Variants in FRMPD4 observed in about 807,000 individuals in gnomAD.
FRMPD4 encodes FERM and PDZ domain containing 4, also known as FERM and PDZ domain-containing protein 4.
A neutral mutation model predicts 94.1 loss-of-function variants in FRMPD4; 22 were observed. The observed-to-expected ratio is 0.23, with a 90% CI of 0.17 to 0.33. The LOEUF (loss-of-function observed/expected upper bound fraction) is 0.33, where lower values mean the gene tolerates loss of function less well. FRMPD4 is among the 10% of genes least tolerant of loss of function. The pLI is 1.00. For missense variants in FRMPD4, 1,111 were observed against 1,339.9 expected (o/e 0.83, Z 2.67); for synonymous variants, 631 against 548.6 (o/e 1.15, Z -2.10).
intron 1 of FRMPD4, among the ~76,000 whole-genome samples, chrX:12,357,457 G>A (rs1053138057): frequency 8.9e-6 from 1 of 111,759 alleles, no homozygotes; most frequent in African/African-American, 3.3e-5. Flanking sequence ...TTTAGCCTCT[G>A]TAATCTGAAC....
chrX:12,455,947 A>G (rs1245838803), intron 1 of FRMPD4, among the ~76,000 whole-genome samples: 1 of 111,312 alleles, frequency 9.0e-6, no homozygotes, highest in Non-Finnish European at 1.9e-5. Flanking sequence ...GGCATGCACC[A>G]CCGTGCCTGG....
chrX:12,033,487 G>T (rs1416802134), intron 3 of FRMPD4, among the ~76,000 whole-genome samples: 3 of 111,305 alleles, frequency 2.7e-5, no homozygotes, highest in Non-Finnish European at 5.7e-5. Flanking sequence ...AATTGCAGAT[G>T]AAGTCAGGGG....
intron 1 of FRMPD4, among the ~76,000 whole-genome samples, chrX:12,489,658 G>A (rs2057773350): frequency 8.9e-6 from 1 of 112,239 alleles, no homozygotes; most frequent in Non-Finnish European, 1.9e-5. Context: ...GGTCCTGAGA[G>A]CAATACACAG....
chrX:11,839,563 T>A (rs937021418), intron 1 of FRMPD4, among the ~76,000 whole-genome samples: 2 of 111,581 alleles, frequency 1.8e-5, no homozygotes, highest in Non-Finnish European at 3.8e-5. Flanking sequence ...ATTTTTTAAT[T>A]GTGTCTTTGA....
intron 3 of FRMPD4, among the ~76,000 whole-genome samples, chrX:12,108,181 G>A (rs1268066030): frequency 3.6e-5 from 4 of 111,308 alleles, no homozygotes; most frequent in South Asian, 7.6e-4. Flanking sequence ...GAGAAAGGTC[G>A]GGTTACCCAC....
At chrX:12,081,742 C>G (rs1028171455) in intron 3 of FRMPD4, among the ~76,000 whole-genome samples, 23 of 111,562 alleles carry the variant, frequency 2.1e-4, no homozygotes, top group African/African-American at 6.8e-4. Context: ...TTGAAATTCC[C>G]TAATGGCACC....
At chrX:12,558,281 T>C (rs2058617529) in intron 2 of FRMPD4, among the ~76,000 whole-genome samples, 1 of 112,799 alleles carries the variant, frequency 8.9e-6, no homozygotes, top group African/African-American at 3.2e-5. Context: ...CATATGCTTT[T>C]CCCTTGAGAA....
chrX:12,388,846 T>C (rs1309812466), intron 1 of FRMPD4, among the ~76,000 whole-genome samples: 1,106 of 85,872 alleles, frequency 0.013, 60 homozygotes, highest in African/African-American at 0.05. Flanking sequence ...TATATATATA[T>C]ATATACACAC....
At chrX:12,686,499 G>C (rs1329777386) in intron 7 of FRMPD4, among the ~76,000 whole-genome samples, 1 of 111,989 alleles carries the variant, frequency 8.9e-6, no homozygotes, top group African/African-American at 3.2e-5. Context: ...AATTAAAATA[G>C]TGTGACTATC....
chrX:12,328,860 A>G (rs112507580), intron 1 of FRMPD4, among the ~76,000 whole-genome samples: 7 of 112,067 alleles, frequency 6.2e-5, no homozygotes, highest in African/African-American at 2.3e-4. Context: ...TTCAGGTATT[A>G]GAAAGGACTC....
chrX:12,459,968 T>C (rs1255640522), intron 1 of FRMPD4, among the ~76,000 whole-genome samples: 1 of 112,133 alleles, frequency 8.9e-6, no homozygotes, highest in Non-Finnish European at 1.9e-5. Flanking sequence ...ATATTGTCAG[T>C]CTTTTTAATT....
chrX:12,372,915 C>T (rs1429632145), intron 1 of FRMPD4, among the ~76,000 whole-genome samples: 1 of 111,812 alleles, frequency 8.9e-6, no homozygotes, highest in Non-Finnish European at 1.9e-5. Flanking sequence ...CACCATCTTT[C>T]TGGGACTGGG....
At chrX:12,534,825 T>G (rs1305731961) in intron 2 of FRMPD4, among the ~76,000 whole-genome samples, 1 of 112,383 alleles carries the variant, frequency 8.9e-6, no homozygotes, top group African/African-American at 3.2e-5. Context: ...GGACTTGCCT[T>G]GTTTCAGATG....
At chrX:12,565,161 A>G (rs2148352662) in intron 2 of FRMPD4, among the ~76,000 whole-genome samples, 1 of 111,559 alleles carries the variant, frequency 9.0e-6, no homozygotes, top group African/African-American at 3.3e-5. Context: ...TACTGATATA[A>G]ATAAATGATT....
intron 3 of FRMPD4, among the ~76,000 whole-genome samples, chrX:12,011,788 C>T (rs1199250567): frequency 8.9e-6 from 1 of 111,744 alleles, no homozygotes; most frequent in South Asian, 3.8e-4. Context: ...AAATATAAGA[C>T]ATTGTTGTCA....
intron 3 of FRMPD4, among the ~76,000 whole-genome samples, chrX:12,037,496 G>A (rs778289378): frequency 2.5e-4 from 28 of 111,944 alleles, no homozygotes; most frequent in Non-Finnish European, 5.1e-4. Context: ...AAATCATACA[G>A]TGTGTGGCCT....
intron 1 of FRMPD4, among the ~76,000 whole-genome samples, chrX:12,186,812 C>T (rs1227153538): frequency 8.9e-6 from 1 of 112,304 alleles, no homozygotes; most frequent in African/African-American, 3.2e-5. Context: ...TTTGTCTCCA[C>T]TTGCACCATT....
At chrX:12,623,834 T>C (rs754661957) in intron 4 of FRMPD4, among the ~76,000 whole-genome samples, 3 of 112,043 alleles carry the variant, frequency 2.7e-5, no homozygotes. Context: ...ATCAGAAACC[T>C]TGCAGGCCAG....
intron 3 of FRMPD4, among the ~76,000 whole-genome samples, chrX:11,911,540 C>A: frequency 8.9e-6 from 1 of 112,091 alleles, no homozygotes; most frequent in Non-Finnish European, 1.9e-5. Context: ...TTCATGGTGG[C>A]AACTTGGAGA....
Sources: gnomAD v4.1 joint callset for allele counts (sites outside exome capture counted in the v4.1 genomes callset) on GRCh38, gnomAD v4.1.1 for gene constraint, MANE v1.5 for transcripts, NCBI Gene and HGNC (gene_info 2026-07-23, HGNC 2026-07-21) for gene names.